Variants in MAS1 observed in about 807,000 individuals in gnomAD.
MAS1 encodes MAS1 proto-oncogene, G protein-coupled receptor, also known as proto-oncogene Mas.
For missense variants in MAS1, 387 were observed against 409.7 expected (o/e 0.94, Z 0.48); for synonymous variants, 163 against 164.2 (o/e 0.99, Z 0.05).
chr6:159,899,770 G>A (rs141517851), intron 2 of MAS1, among the ~76,000 whole-genome samples: 3 of 152,244 alleles, frequency 2.0e-5, no homozygotes, highest in East Asian at 3.9e-4. Context: ...TAATGAGGCC[G>A]GGCGCGGTAG....
chr6:159,900,222 T>C lies in MAS1; in HGVS notation c.-37+830T>C, dbSNP rs572613299. 2.5e-3 allele frequency among the ~76,000 whole-genome samples: 380 copies of C among 152,226 alleles called. 3 individuals are homozygous for C. The highest frequency in any genetic ancestry group is 8.2e-3 in the African/African-American group (342 of 41,518). On this transcript the variant is annotated intron_variant, in intron 2 of 2. Coordinates refer to ENST00000674077, the MANE Select transcript of MAS1 (RefSeq NM_002377.4). Reference sequence around the variant, plus strand: ...CAACTGTGTGGTCTTCTCTCTGCTGTTGGGGAAGGCTCACTGAGCCAACAC... The same window carrying C: ...CAACTGTGTGGTCTTCTCTCTGCTGCTGGGGAAGGCTCACTGAGCCAACAC...
intron 1 of MAS1, among the ~76,000 whole-genome samples, chr6:159,891,927 C>T (rs1782703903): frequency 1.3e-5 from 2 of 152,126 alleles, no homozygotes; most frequent in South Asian, 4.1e-4. Flanking sequence ...GCCGTGTGGG[C>T]TGTCTTGTAT....
rs1462725333 is a variant in MAS1 at position 159,916,703 on chromosome 6, A to G, written c.*8770A>G. 6.6e-6 allele frequency among the ~76,000 whole-genome samples: 1 copy of G among 152,204 alleles called. No homozygotes were observed. The highest frequency in any genetic ancestry group is 1.5e-5 in the Non-Finnish European group (1 of 68,030). Reference sequence around the variant, plus strand: ...AGTGAGAGGCAAAGACACGAGGCCAATTCAACAACCCACCTCAAACCTGTA... The same window carrying G: ...AGTGAGAGGCAAAGACACGAGGCCAGTTCAACAACCCACCTCAAACCTGTA... On this transcript the variant is annotated 3_prime_UTR_variant, in exon 3 of 3. Coordinates refer to ENST00000674077, the MANE Select transcript of MAS1 (RefSeq NM_002377.4).
At chr6:159,896,691 T>C (rs1329517058) in intron 1 of MAS1, among the ~76,000 whole-genome samples, 1 of 152,208 alleles carries the variant, frequency 6.6e-6, no homozygotes, top group Non-Finnish European at 1.5e-5. Flanking sequence ...CTGCTGGGAC[T>C]GTAACTGCCT....
intron 2 of MAS1, among the ~76,000 whole-genome samples, chr6:159,900,820 T>A (rs1228648888): frequency 6.6e-6 from 1 of 152,236 alleles, no homozygotes; most frequent in Non-Finnish European, 1.5e-5. Flanking sequence ...TTGATAAGTA[T>A]TTATTAAATG....
chr6:159,903,308 C>T (rs148852131), intron 2 of MAS1, among the ~76,000 whole-genome samples: 550 of 152,200 alleles, frequency 3.6e-3, no homozygotes, highest in Non-Finnish European at 5.1e-3. Context: ...GTGTCGTACC[C>T]GCCTGGTAAA....
intron 2 of MAS1, among the ~76,000 whole-genome samples, chr6:159,904,599 A>G (rs947831414): frequency 6.6e-6 from 1 of 151,576 alleles, no homozygotes; most frequent in African/African-American, 2.4e-5. Flanking sequence ...CTCCCACCTG[A>G]CCTCCTCCTT....
At position 159,907,899 on chromosome 6, in the gene MAS1, A is replaced by G. The variant is rs1478946339; in HGVS notation, c.944A>G (p.Asn315Ser). 10 of 1,609,142 alleles carry G rather than the reference A, an allele frequency of 6.2e-6. No individual in the cohort carries two copies. Among genetic ancestry groups the G allele is most frequent in the Non-Finnish European group, 4.2e-6 (5 of 1,178,758 alleles). Residue 315 changes from asparagine to serine, a missense_variant, in exon 3 of 3, where the codon AAT (asparagine) becomes AGT (serine). Transcript: ENST00000674077. ...DEMQPRRQKD[N>S]CNTVTVETVV ...ATGCAACCTCGGCGCCAGAAAGACA[A>G]TTGTAATACGGTCACAGTTGAGACT...
At chr6:159,893,481 G>T (rs1782723265) in intron 1 of MAS1, among the ~76,000 whole-genome samples, 1 of 152,164 alleles carries the variant, frequency 6.6e-6, no homozygotes, top group Admixed American at 6.5e-5. Context: ...AGCAGTGGCA[G>T]ACATAGGCAA....
intron 2 of MAS1, among the ~76,000 whole-genome samples, chr6:159,905,104 G>T (rs1470034054): frequency 6.6e-6 from 1 of 152,190 alleles, no homozygotes. Flanking sequence ...CAGTTTGATT[G>T]TTGTTGCTGT....
rs1210677885 is a variant in MAS1 at position 159,907,239 on chromosome 6, A to G, written c.284A>G (p.Tyr95Cys). Residue 95 changes from tyrosine to cysteine, a missense_variant, in exon 3 of 3, where the codon TAT (tyrosine) becomes TGT (cysteine). Tyr to Cys is a radical substitution (Grantham distance 194). Transcript: ENST00000674077. Reference protein sequence around the residue: ...FILSIDYALDYELSSGHYYTI... With the variant: ...FILSIDYALDCELSSGHYYTI... Reference sequence around the variant, plus strand: ...TTGTCTATCGACTATGCTTTAGATTATGAGCTTTCTTCTGGCCATTACTAC... The same window carrying G: ...TTGTCTATCGACTATGCTTTAGATTGTGAGCTTTCTTCTGGCCATTACTAC... The G allele has an allele frequency of 6.2e-7, 1 of 1,614,050 alleles. No individual in the cohort carries two copies. The highest frequency in any genetic ancestry group is 1.3e-5 in the African/African-American group (1 of 74,914).
Position 159,906,392 on chromosome 6 carries a change from T to C in MAS1, c.-36-528T>C, listed in dbSNP as rs140158089. 5.2e-3 allele frequency among the ~76,000 whole-genome samples: 795 copies of C among 152,340 alleles called. 9 individuals carry two copies. The highest frequency in any genetic ancestry group is 0.018 in the African/African-American group (765 of 41,580). On this transcript the variant is annotated intron_variant, in intron 2 of 2. Coordinates refer to ENST00000674077, the MANE Select transcript of MAS1 (RefSeq NM_002377.4). ...CAATATTGGTACAATATTAAACCCA[T>C]TGTCCCAGGCACTCCCTCTCCTTAC... is the stretch of plus-strand genomic sequence containing the variant.
chr6:159,891,679 T>C (rs1249218976), intron 1 of MAS1, among the ~76,000 whole-genome samples: 3 of 152,242 alleles, frequency 2.0e-5, no homozygotes, highest in Admixed American at 2.0e-4. Flanking sequence ...TGAAGCCGTA[T>C]GCATTCCTTT....
rs1471222695 is a variant in MAS1 at position 159,891,069 on chromosome 6, C to A, written c.-308C>A. ...CCTGCAGGCTGGCTGGGCATTGATG[C>A]CCCAGATGTGAAGGGGCAGCCAACC... On this transcript the variant is annotated 5_prime_UTR_variant, in exon 1 of 3. Coordinates refer to ENST00000674077, the MANE Select transcript of MAS1 (RefSeq NM_002377.4). Among the ~76,000 whole-genome samples the A allele has an allele frequency of 6.6e-6, 1 of 152,198 alleles. No individual in the cohort carries two copies. Among genetic ancestry groups the A allele is most frequent in the African/African-American group, 2.4e-5 (1 of 41,444 alleles).
In MAS1 at chr6:159,914,900, G is replaced by GAGTGAC. The variant is rs1225279251; in HGVS notation, c.*6969_*6974dup. On this transcript the variant is annotated 3_prime_UTR_variant, in exon 3 of 3. Transcript: ENST00000674077. ...AACCATGGATCTAGAGACATTCTCT[G>GAGTGAC]AGTGACACTATGCCAGCTGGGAGTG... 2 of 152,264 alleles carry GAGTGAC rather than the reference G, an allele frequency of 1.3e-5. No individual in the cohort carries two copies. The highest frequency in any genetic ancestry group is 2.9e-5 in the Non-Finnish European group (2 of 68,080). The allele number at this position is 152,264 out of a possible 1,614,324, so 9.4% of individuals were successfully genotyped here. A position where few individuals can be genotyped will look rare whatever the true frequency, so the allele number is the denominator to read the frequency against.
chr6:159,889,785 A>G (rs1250245384), upstream of MAS1, among the ~76,000 whole-genome samples: 1 of 152,174 alleles, frequency 6.6e-6, no homozygotes, highest in Non-Finnish European at 1.5e-5. Context: ...TACCCAGTAG[A>G]TGCCTGCTGG....
intron 1 of MAS1, among the ~76,000 whole-genome samples, chr6:159,893,250 C>T (rs143176672): frequency 8.5e-4 from 129 of 152,348 alleles, no homozygotes; most frequent in African/African-American, 3.0e-3. Context: ...GGGGCAGCCA[C>T]GCCGGGGTGA....
chr6:159,905,257 G>T lies in MAS1; in HGVS notation c.-36-1663G>T, dbSNP rs78194975. Among the ~76,000 whole-genome samples the T allele has an allele frequency of 9.2e-3, 1,409 of 152,344 alleles. 11 individuals are homozygous for T. Among genetic ancestry groups the T allele is most frequent in the Non-Finnish European group, 0.014 (986 of 68,030 alleles). On this transcript the variant is annotated intron_variant, in intron 2 of 2. Transcript: ENST00000674077. Reference sequence around the variant, plus strand: ...GTGGGGGGAGAATTTGGGGAACATGGTGGTCTTACTTGCAAACTTCTAACA... The same window carrying T: ...GTGGGGGGAGAATTTGGGGAACATGTTGGTCTTACTTGCAAACTTCTAACA...
upstream of MAS1, among the ~76,000 whole-genome samples, chr6:159,890,093 G>T (rs540424874): frequency 1.5e-4 from 23 of 152,210 alleles, no homozygotes; most frequent in East Asian, 3.3e-3. Context: ...GTGAGGGGTG[G>T]GTCTTCAGGC....
Sources: gnomAD v4.1 joint callset for allele counts (sites outside exome capture counted in the v4.1 genomes callset) on GRCh38, gnomAD v4.1.1 for gene constraint, MANE v1.5 for transcripts, NCBI Gene and HGNC (gene_info 2026-07-23, HGNC 2026-07-21) for gene names.